Variants in ADGRA1 observed in about 807,000 individuals in gnomAD.
ADGRA1 encodes adhesion G protein-coupled receptor A1, also known as G-protein coupled receptor 123.
Under a neutral mutation model 21.3 loss-of-function variants are expected in ADGRA1, and 12 were observed. That is an observed-to-expected ratio of 0.56 (90% CI 0.36 to 0.91). The LOEUF (loss-of-function observed/expected upper bound fraction) is 0.91, where lower values mean the gene tolerates loss of function less well. Ranked by LOEUF, ADGRA1 falls within the 40% of genes least tolerant of loss-of-function variation. The pLI, the probability that ADGRA1 is intolerant of heterozygous loss-of-function variation, is 0.01. For missense variants in ADGRA1, 790 were observed against 805.6 expected (o/e 0.98, Z 0.23); for synonymous variants, 385 against 368.8 (o/e 1.04, Z -0.50).
intron 5 of ADGRA1, among the ~76,000 whole-genome samples, chr10:133,125,013 G>A (rs1261989383): frequency 6.6e-6 from 1 of 152,242 alleles, no homozygotes; most frequent in Non-Finnish European, 1.5e-5. Context: ...GGTCCATCCT[G>A]GACACTTCTG....
intron 2 of ADGRA1, 139 bp from the exon 3 acceptor site, chr10:133,096,835 C>G (rs1851697787): frequency 9.4e-7 from 1 of 1,065,540 alleles, no homozygotes; most frequent in South Asian, 1.6e-5. Flanking sequence ...CCCAGGCAGC[C>G]CCCCTTCCCT....
At chr10:133,102,650 G>C in intron 4 of ADGRA1, 47 bp from the exon 5 acceptor site, 3 of 1,576,108 alleles carry the variant, frequency 1.9e-6, no homozygotes, top group Non-Finnish European at 2.6e-6. Flanking sequence ...TGGGCTCTGG[G>C]GGGTGGGTGC....
chr10:133,122,217 G>A (rs36028669), intron 5 of ADGRA1, among the ~76,000 whole-genome samples: 44,546 of 152,040 alleles, frequency 0.29, 7,551 homozygotes, highest in Non-Finnish European at 0.39. Context: ...CTGGGCCCAG[G>A]ACCTTTTCGC....
At chr10:133,115,538 C>T (rs1852141178) in intron 5 of ADGRA1, among the ~76,000 whole-genome samples, 1 of 152,198 alleles carries the variant, frequency 6.6e-6, no homozygotes, top group African/African-American at 2.4e-5. Flanking sequence ...CAGGCCTGGC[C>T]CATGCTTGGC....
At chr10:133,099,866 C>G (rs1473985124) in intron 4 of ADGRA1, among the ~76,000 whole-genome samples, 1 of 152,190 alleles carries the variant, frequency 6.6e-6, no homozygotes, top group Non-Finnish European at 1.5e-5. Flanking sequence ...TTTCTGGAAC[C>G]CTCCCATAGT....
chr10:133,098,586 G>T, intron 3 of ADGRA1, 54 bp from the exon 4 acceptor site: 1 of 1,564,724 alleles, frequency 6.4e-7, no homozygotes, highest in South Asian at 1.2e-5. Flanking sequence ...TCCCTTCCAC[G>T]CCTCCCCCTG....
chr10:133,103,074 G>C lies in ADGRA1; in HGVS notation c.401+232G>C, dbSNP rs181418788. Among the ~76,000 whole-genome samples, 675 of 152,040 alleles carry C rather than the reference G, an allele frequency of 4.4e-3. 3 individuals carry two copies. Among genetic ancestry groups the C allele is most frequent in the Middle Eastern group, 0.017 (5 of 294 alleles). On this transcript the variant is annotated intron_variant, in intron 5 of 6. Coordinates refer to ENST00000392607, the MANE Select transcript of ADGRA1 (RefSeq NM_001083909.3). ...AGGGGAGGGGCGCCGGTCACTGGGGGTGGGGCAGAGGGGGCCCTGAGGGTG... is the reference window on the plus strand; with the variant it reads ...AGGGGAGGGGCGCCGGTCACTGGGGCTGGGGCAGAGGGGGCCCTGAGGGTG...
intron 5 of ADGRA1, among the ~76,000 whole-genome samples, chr10:133,119,646 C>T (rs7073193): frequency 0.058 from 8,766 of 152,260 alleles, 827 homozygotes; most frequent in African/African-American, 0.19. Flanking sequence ...CAAGAAACCA[C>T]TTTTTTGCTC....
rs935816232 is a variant in ADGRA1 at position 133,104,170 on chromosome 10, G to A, written c.401+1328G>A. ...CAGCAAACAGCACTCATTTGCACCCGGAGCATTTTCTGACACTGTTTGATT... is the reference window on the plus strand; with the variant it reads ...CAGCAAACAGCACTCATTTGCACCCAGAGCATTTTCTGACACTGTTTGATT... On this transcript the variant is annotated intron_variant, in intron 5 of 6. Coordinates refer to ENST00000392607, the MANE Select transcript of ADGRA1 (RefSeq NM_001083909.3). Among the ~76,000 whole-genome samples, 8 of 152,204 alleles carry A rather than the reference G, an allele frequency of 5.3e-5. 1 individual carries two copies. The highest frequency in any genetic ancestry group is 1.9e-4 in the East Asian group (1 of 5,198).
intron 4 of ADGRA1, 150 bp downstream of exon 4, chr10:133,098,913 G>A (rs1851738324): frequency 2.7e-6 from 3 of 1,116,308 alleles, no homozygotes; most frequent in Non-Finnish European, 3.8e-6. Flanking sequence ...TTCACGCCAT[G>A]CAAGTCCACA....
chr10:133,124,914 C>T (rs1397848378), intron 5 of ADGRA1, among the ~76,000 whole-genome samples: 2 of 152,216 alleles, frequency 1.3e-5, no homozygotes, highest in Non-Finnish European at 2.9e-5. Flanking sequence ...AAAGCGGCGG[C>T]CTCCCGCGCC....
intron 5 of ADGRA1, among the ~76,000 whole-genome samples, chr10:133,104,738 G>GC (rs200913823): frequency 0.02 from 2,967 of 152,078 alleles, 40 homozygotes; most frequent in Non-Finnish European, 0.027. Flanking sequence ...CTCCCCAGCC[G>GC]CCCCCCCGGT....
intron 4 of ADGRA1, 46 bp downstream of exon 4, chr10:133,098,809 C>T (rs758436859): frequency 6.3e-6 from 10 of 1,578,478 alleles, no homozygotes; most frequent in African/African-American, 2.7e-5. Context: ...AGGGGAACTG[C>T]GTGAGCGTCG....
intron 2 of ADGRA1, among the ~76,000 whole-genome samples, chr10:133,090,815 TC>T (rs1851586193): frequency 6.6e-6 from 1 of 152,136 alleles, no homozygotes. Flanking sequence ...GTGGCATCGC[TC>T]CTGGCCAGGC....
chr10:133,092,933 A>G, intron 2 of ADGRA1: 1 of 1,560,004 alleles, frequency 6.4e-7, no homozygotes, highest in Non-Finnish European at 8.6e-7. Flanking sequence ...AGCACCTGGG[A>G]GGATATGTGT....
At chr10:133,108,587 G>A (rs1295224771) in intron 5 of ADGRA1, among the ~76,000 whole-genome samples, 4 of 152,054 alleles carry the variant, frequency 2.6e-5, no homozygotes, top group African/African-American at 9.7e-5. Flanking sequence ...CCTCACCTTT[G>A]ACCAACATGG....
intron 5 of ADGRA1, among the ~76,000 whole-genome samples, chr10:133,111,993 G>GACAA (rs1564849754): frequency 6.0e-5 from 1 of 16,728 alleles, no homozygotes; most frequent in African/African-American, 4.1e-4. Flanking sequence ...CCCTCCTAAT[G>GACAA]CCTCCAGACC....
Position 133,088,858 on chromosome 10 carries a change from C to G in ADGRA1, c.-52C>G, listed in dbSNP as rs1286091140. ...AGCAGGGCGCCACCTGATCGCCTCCCCCTGGACGCCTCCTCCAGCGGCGCT... is the reference window on the plus strand; with the variant it reads ...AGCAGGGCGCCACCTGATCGCCTCCGCCTGGACGCCTCCTCCAGCGGCGCT... On this transcript the variant is annotated 5_prime_UTR_variant, in exon 2 of 7. Transcript: ENST00000392607. 3 of 1,237,388 alleles carry G rather than the reference C, an allele frequency of 2.4e-6. No individual in the cohort carries two copies. In the African/African-American group the frequency reaches 4.7e-5, roughly 19 times the overall value. The allele number at this position is 1,237,388 out of a possible 1,614,324, so 76.7% of individuals were successfully genotyped here.
At chr10:133,114,779 C>T (rs986205847) in intron 5 of ADGRA1, among the ~76,000 whole-genome samples, 12 of 152,160 alleles carry the variant, frequency 7.9e-5, no homozygotes, top group African/African-American at 2.9e-4. Flanking sequence ...GGTCCCGTGT[C>T]CCAGGGCAGT....
Sources: gnomAD v4.1 joint callset for allele counts (sites outside exome capture counted in the v4.1 genomes callset) on GRCh38, gnomAD v4.1.1 for gene constraint, MANE v1.5 for transcripts, NCBI Gene and HGNC (gene_info 2026-07-23, HGNC 2026-07-21) for gene names.